Variants in CSNK1G2 observed in about 807,000 individuals in gnomAD.
CSNK1G2 encodes casein kinase I isoform gamma-2.
CSNK1G2 carries 11 observed loss-of-function variants against 48.0 expected under a neutral mutation model. The ratio of observed to expected loss-of-function variants is 0.23; its 90% confidence interval spans 0.14 to 0.38. The LOEUF (loss-of-function observed/expected upper bound fraction) is 0.38, where lower values mean the gene tolerates loss of function less well. CSNK1G2 is among the 10% of genes least tolerant of loss of function. CSNK1G2 has a pLI of 1.00. For synonymous variants in CSNK1G2, 337 were observed against 254.1 expected, an observed-to-expected ratio of 1.33 and a Z score of -3.10; for missense variants, 446 against 595.5, an observed-to-expected ratio of 0.75 and a Z score of 2.61.
At position 1,978,357 on chromosome 19, in the gene CSNK1G2, C is replaced by T. The variant is rs769931041; in HGVS notation, c.228+12C>T. Reference sequence around the variant, plus strand: ...TGGCTATCAAATTGGTGAGTCGGCCCCTCCACCCCACCCCCGCTGACGTGC... The same window carrying T: ...TGGCTATCAAATTGGTGAGTCGGCCTCTCCACCCCACCCCCGCTGACGTGC... On this transcript the variant is annotated intron_variant, in intron 3 of 11. Transcript: ENST00000255641. This position sits in a 1 kb window ranked among gnomAD's most constrained non-coding sequence, Gnocchi z 7.3. The T allele has an allele frequency of 1.9e-6, 3 of 1,613,100 alleles. No homozygotes were observed. Among genetic ancestry groups the T allele is most frequent in the African/African-American group, 1.3e-5 (1 of 75,002 alleles).
chr19:1,953,781 G>A (rs893873188), intron 1 of CSNK1G2: 2 of 477,566 alleles, frequency 4.2e-6, no homozygotes, highest in East Asian at 5.7e-5. Context: ...CCCTCCCCCC[G>A]CATCAGGGTC....
chr19:1,967,426 G>C (rs1664595666), intron 1 of CSNK1G2, among the ~76,000 whole-genome samples: 1 of 152,164 alleles, frequency 6.6e-6, no homozygotes, highest in South Asian at 2.1e-4. Flanking sequence ...CTTCAGTGAG[G>C]GTGGGGCTTC....
At chr19:1,946,202 C>G (rs998789934) in intron 1 of CSNK1G2, among the ~76,000 whole-genome samples, 1 of 152,022 alleles carries the variant, frequency 6.6e-6, no homozygotes, top group African/African-American at 2.4e-5. Context: ...GTGAGGGCAG[C>G]GGGAAGAAAG....
Position 1,978,436 on chromosome 19 carries a change from C to G in CSNK1G2, c.229-6C>G, listed in dbSNP as rs776041935. ...GTCCCCTGGTGACTCGCTCTTGTGC[C>G]CCCAGGAGCCGATCAAGTCCCGGGC... On this transcript the variant is annotated splice_polypyrimidine_tract_variant and splice_region_variant and intron_variant, in intron 3 of 11. Coordinates refer to ENST00000255641, the MANE Select transcript of CSNK1G2 (RefSeq NM_001319.7). The surrounding 1 kb of genome is among the most constrained non-coding windows in gnomAD (Gnocchi z 7.3). 150 of 1,610,442 alleles carry G rather than the reference C, an allele frequency of 9.3e-5. No individual in the cohort carries two copies. The highest frequency in any genetic ancestry group is 1.2e-4 in the Non-Finnish European group (147 of 1,179,036).
chr19:1,951,447 G>A (rs543655939), intron 1 of CSNK1G2, among the ~76,000 whole-genome samples: 1 of 145,004 alleles, frequency 6.9e-6, no homozygotes, highest in Non-Finnish European at 1.5e-5. Flanking sequence ...TGCTGGGACC[G>A]TTTGATTTCT....
At chr19:1,953,842 C>T (rs2014876613) in intron 1 of CSNK1G2, 1 of 531,790 alleles carries the variant, frequency 1.9e-6, no homozygotes, top group Non-Finnish European at 3.9e-6. Context: ...GTGTTCTTTA[C>T]CTGGACTCTT....
chr19:1,975,436 C>G (rs550496323), intron 2 of CSNK1G2: 3 of 985,346 alleles, frequency 3.0e-6, no homozygotes, highest in African/African-American at 3.5e-5. Context: ...GCCGGAACTC[C>G]GCTCTGGAGA....
chr19:1,979,458 C>T (rs1325502969), intron 8 of CSNK1G2, 37 bp from the exon 9 acceptor site: 40 of 1,364,354 alleles, frequency 2.9e-5, no homozygotes, highest in Non-Finnish European at 3.6e-5. Flanking sequence ...CCCCCACCCC[C>T]ACCCCCGCCG....
chr19:1,978,938 C>T lies in CSNK1G2; in HGVS notation c.527C>T (p.Pro176Leu), dbSNP rs1331263647. 7 of 1,601,778 alleles carry T rather than the reference C, an allele frequency of 4.4e-6. No homozygotes were observed. Among genetic ancestry groups the T allele is most frequent in the South Asian group, 2.2e-5 (2 of 91,082 alleles). Residue 176 changes from proline (P) to leucine (L), a missense_variant, in exon 6 of 12, where the codon CCG becomes CTG. Coordinates refer to ENST00000255641, the MANE Select transcript of CSNK1G2 (RefSeq NM_001319.7). The surrounding 1 kb of genome is among the most constrained non-coding windows in gnomAD (Gnocchi z 7.3). Reference protein sequence around the residue: ...VKPENFLVGRPGTKRQHAIHI... With the variant: ...VKPENFLVGRLGTKRQHAIHI... ...CCCGAGAACTTCCTGGTGGGCCGCC[C>T]GGGGACCAAGCGGCAGCATGCCATC... is the stretch of plus-strand genomic sequence containing the variant.
intron 1 of CSNK1G2, among the ~76,000 whole-genome samples, chr19:1,946,416 C>G (rs932277992): frequency 1.3e-5 from 2 of 149,764 alleles, no homozygotes; most frequent in African/African-American, 4.9e-5. Flanking sequence ...CTCAGCTTCC[C>G]GAGTAGCTGG....
intron 1 of CSNK1G2, chr19:1,954,600 C>G (rs2014914807): frequency 6.6e-6 from 1 of 152,252 alleles, no homozygotes. Flanking sequence ...GATGTCAGCC[C>G]AGGGACTGTG....
chr19:1,949,497 A>C (rs1282548262), intron 1 of CSNK1G2, among the ~76,000 whole-genome samples: 2 of 152,202 alleles, frequency 1.3e-5, no homozygotes, highest in African/African-American at 4.8e-5. Flanking sequence ...TTCGTGGCTG[A>C]GTCGTGTTCC....
At position 1,979,083 on chromosome 19, in the gene CSNK1G2, C is replaced by A; in HGVS notation, c.672C>A (p.His224Gln). ...GTARYMSINT[H>Q]LGKEQSRRDD... Reference sequence around the variant, plus strand: ...CGCGCTACATGAGCATCAACACGCACCTGGGCAAGGGTGAGCTGCGCGCGC... The same window carrying A: ...CGCGCTACATGAGCATCAACACGCAACTGGGCAAGGGTGAGCTGCGCGCGC... Residue 224 changes from histidine to glutamine, a missense_variant, in exon 6 of 12, where the codon CAC becomes CAA. This residue lies in a region of CSNK1G2 where 258 missense variants were observed against 415.9 expected (regional missense o/e 0.62). Coordinates refer to ENST00000255641, the MANE Select transcript of CSNK1G2 (RefSeq NM_001319.7). 6.3e-7 allele frequency: 1 copy of A among 1,597,292 alleles called. No homozygotes were observed. Among genetic ancestry groups the A allele is most frequent in the Non-Finnish European group, 8.5e-7 (1 of 1,177,932 alleles).
chr19:1,979,261 G>T lies in CSNK1G2; in HGVS notation c.768+13G>T. 6.4e-7 allele frequency: 1 copy of T among 1,563,216 alleles called. No individual in the cohort carries two copies. Among genetic ancestry groups the T allele is most frequent in the South Asian group, 1.2e-5 (1 of 85,220 alleles). ...GCAGGGGCTCAAGGTGGGCGAGGAG[G>T]CCGGGCAGGCGGGCGGGGACGCAGG... On this transcript the variant is annotated intron_variant, in intron 7 of 11. Transcript: ENST00000255641.
chr19:1,978,004 C>G lies in CSNK1G2; in HGVS notation c.188-301C>G, dbSNP rs114280197. 7.1e-6 allele frequency among the ~76,000 whole-genome samples: 1 copy of G among 141,408 alleles called. No homozygotes were observed. Among genetic ancestry groups the G allele is most frequent in the Non-Finnish European group, 1.6e-5 (1 of 64,514 alleles). 92.8% of individuals were successfully genotyped at this position (141,408 alleles called of 152,430 possible). ...GGAGCCCTTGGGGCTGCCTGCAGGC[C>G]GTGAGAGACCTCCCCAGTGCCGCTT... On this transcript the variant is annotated intron_variant, in intron 2 of 11. Coordinates refer to ENST00000255641, the MANE Select transcript of CSNK1G2 (RefSeq NM_001319.7). This position sits in a 1 kb window ranked among gnomAD's most constrained non-coding sequence, Gnocchi z 7.3.
intron 1 of CSNK1G2, among the ~76,000 whole-genome samples, chr19:1,966,786 T>C (rs2145563548): frequency 1.3e-5 from 2 of 152,284 alleles, no homozygotes; most frequent in South Asian, 4.1e-4. Flanking sequence ...GCCGTCCACA[T>C]TGAGGCAAGA....
Position 1,979,150 on chromosome 19 carries a change from C to A in CSNK1G2, c.683-13C>A. On this transcript the variant is annotated splice_polypyrimidine_tract_variant and intron_variant, in intron 6 of 11. Coordinates refer to ENST00000255641, the MANE Select transcript of CSNK1G2 (RefSeq NM_001319.7). ...GCCCGGACCCCGCTGAGGCTGCGCC[C>A]CTGTCCCCGCAGAGCAGAGCCGCCG... 1 of 1,533,160 alleles carries A rather than the reference C, an allele frequency of 6.5e-7. No homozygotes were observed. The allele number at this position is 1,533,160 out of a possible 1,614,324, so 95.0% of individuals were successfully genotyped here.
intron 1 of CSNK1G2, among the ~76,000 whole-genome samples, chr19:1,950,264 C>T (rs190177322): frequency 0.014 from 2,096 of 151,960 alleles, 16 homozygotes; most frequent in Middle Eastern, 0.034. Context: ...CTCAGCCTCC[C>T]GAGTAGCTGG....
chr19:1,967,337 G>A (rs960015001), intron 1 of CSNK1G2, among the ~76,000 whole-genome samples: 2 of 152,088 alleles, frequency 1.3e-5, no homozygotes, highest in Admixed American at 1.3e-4. Flanking sequence ...CTTCACCCGC[G>A]GCCCCTACGT....
Sources: allele counts gnomAD v4.1 joint callset (sites outside exome capture counted in the v4.1 genomes callset), GRCh38; gene constraint gnomAD v4.1.1; regional missense constraint gnomAD v4.1.1; non-coding constraint Gnocchi (gnomAD v3.1); transcripts MANE v1.5; gene names NCBI Gene and HGNC (gene_info 2026-07-23, HGNC 2026-07-21).